PHACTR3: variants seen among roughly 807,000 people sequenced by gnomAD.
PHACTR3 encodes protein phosphatase 1, regulatory subunit 123.
PHACTR3 carries 16 observed loss-of-function variants against 66.8 expected under a neutral mutation model. That is an observed-to-expected ratio of 0.24 (90% CI 0.16 to 0.36). The LOEUF (loss-of-function observed/expected upper bound fraction) is 0.36, where lower values mean the gene tolerates loss of function less well. Ranked by LOEUF, PHACTR3 falls within the 10% of genes least tolerant of loss-of-function variation. The probability of loss-of-function intolerance (pLI) is 1.00; values close to 1 mark genes in which losing one functional copy is unlikely to be tolerated. For missense variants in PHACTR3, 647 were observed against 719.9 expected (o/e 0.90, Z 1.16); for synonymous variants, 323 against 292.1 (o/e 1.11, Z -1.08).
At chr20:59,757,751 A>G (rs779758272) in intron 4 of PHACTR3, among the ~76,000 whole-genome samples, 1 of 152,214 alleles carries the variant, frequency 6.6e-6, no homozygotes, top group African/African-American at 2.4e-5. Flanking sequence ...TAGGAGTTCA[A>G]AGTCATCCTG....
At chr20:59,613,841 A>AT (rs2033938320) in intron 1 of PHACTR3, among the ~76,000 whole-genome samples, 1 of 152,254 alleles carries the variant, frequency 6.6e-6, no homozygotes, top group Non-Finnish European at 1.5e-5. Context: ...CCTAAACATT[A>AT]TGTCCATTCA....
intron 11 of PHACTR3, 169 bp from the exon 12 acceptor site, chr20:59,845,020 T>C (rs1319599504): frequency 1.5e-5 from 8 of 519,744 alleles, no homozygotes; most frequent in Non-Finnish European, 2.5e-5. Flanking sequence ...GGTAGGACTA[T>C]AATAATGAGT....
At chr20:59,831,089 T>C (rs951480646) in intron 8 of PHACTR3, among the ~76,000 whole-genome samples, 1 of 151,980 alleles carries the variant, frequency 6.6e-6, no homozygotes, top group East Asian at 1.9e-4. Context: ...AGGTGTGTCG[T>C]AGGTGACTGC....
intron 7 of PHACTR3, 113 bp downstream of exon 7, chr20:59,774,603 C>T (rs918088044): frequency 2.1e-6 from 3 of 1,402,624 alleles, no homozygotes; most frequent in Admixed American, 2.3e-5. Context: ...GGGGCTGCAC[C>T]TGGGGAGAAA....
chr20:59,616,796 C>G (rs1340921456), intron 1 of PHACTR3, among the ~76,000 whole-genome samples: 1 of 152,118 alleles, frequency 6.6e-6, no homozygotes, highest in Non-Finnish European at 1.5e-5. Context: ...GTAGCTGGTT[C>G]TGCTTTGATG....
chr20:59,738,852 C>T lies in PHACTR3; in HGVS notation c.119-4255C>T, dbSNP rs2039045731. Among the ~76,000 whole-genome samples the T allele has an allele frequency of 6.6e-6, 1 of 152,182 alleles. No individual in the cohort carries two copies. Among genetic ancestry groups the T allele is most frequent in the African/African-American group, 2.4e-5 (1 of 41,438 alleles). On this transcript the variant is annotated intron_variant, in intron 1 of 12. Coordinates refer to ENST00000371015, the MANE Select transcript of PHACTR3 (RefSeq NM_080672.5). This position sits in a 1 kb window ranked among gnomAD's most constrained non-coding sequence, Gnocchi z 4.4. ...TCTGCTCATCCCTGGAGATCTTCGTCTTCATCTTCAGCTGAGCTTGGAGGC... is the reference window on the plus strand; with the variant it reads ...TCTGCTCATCCCTGGAGATCTTCGTTTTCATCTTCAGCTGAGCTTGGAGGC...
intron 1 of PHACTR3, among the ~76,000 whole-genome samples, chr20:59,648,569 G>A (rs990946967): frequency 1.3e-5 from 2 of 152,196 alleles, no homozygotes; most frequent in Admixed American, 1.3e-4. Context: ...GTTTATCCCA[G>A]AGGCCAGGGA....
rs545700136 is a variant in PHACTR3 at position 59,829,148 on chromosome 20, C to T, written c.1329-7357C>T. On this transcript the variant is annotated intron_variant, in intron 8 of 12. Coordinates refer to ENST00000371015, the MANE Select transcript of PHACTR3 (RefSeq NM_080672.5). This position sits in a 1 kb window ranked among gnomAD's most constrained non-coding sequence, Gnocchi z 4.2. ...GGTGGGGAACAGGGTGTGAAAAGGT[C>T]GGCTTTGGACTCAGAGTGCCTGGAG... 1.3e-5 allele frequency among the ~76,000 whole-genome samples: 2 copies of T among 152,184 alleles called. No individual in the cohort carries two copies. Among genetic ancestry groups the T allele is most frequent in the African/African-American group, 2.4e-5 (1 of 41,522 alleles).
chr20:59,733,457 G>A (rs935694130), intron 1 of PHACTR3, among the ~76,000 whole-genome samples: 4 of 152,170 alleles, frequency 2.6e-5, no homozygotes, highest in Admixed American at 1.3e-4. Context: ...TGGATTTTCA[G>A]TGCTCAGTGC....
chr20:59,767,102 A>T (rs1382867383), intron 4 of PHACTR3, 84 bp from the exon 5 acceptor site: 1 of 1,421,108 alleles, frequency 7.0e-7, no homozygotes, highest in East Asian at 2.4e-5. Flanking sequence ...ATCCCATCCC[A>T]CCAAACCCTC....
rs373167875 is a variant in PHACTR3, at chr20:59,847,224, C to T, written c.*94C>T. 3.4e-6 allele frequency: 3 copies of T among 892,908 alleles called. No individual in the cohort carries two copies. Among genetic ancestry groups the T allele is most frequent in the Admixed American group, 2.0e-5 (1 of 51,270 alleles). 55.3% of individuals were successfully genotyped at this position (892,908 alleles called of 1,614,324 possible). A position where few individuals can be genotyped will look rare whatever the true frequency, so the allele number is the denominator to read the frequency against. ...TTCCTGAAGTTCAGCTCAAGACTAC[C>T]CTACCTGCTGTGTTTGTGAGAAGAG... On this transcript the variant is annotated 3_prime_UTR_variant, in exon 13 of 13. Coordinates refer to ENST00000371015, the MANE Select transcript of PHACTR3 (RefSeq NM_080672.5).
chr20:59,604,747 A>G lies in PHACTR3; in HGVS notation c.-268A>G, dbSNP rs371223414. 569 of 1,120,036 alleles carry G rather than the reference A, an allele frequency of 5.1e-4. 5 individuals are homozygous for G. In the Middle Eastern group the frequency reaches 8.6e-3, roughly 17 times the overall value. The allele number at this position is 1,120,036 out of a possible 1,614,324, so 69.4% of individuals were successfully genotyped here. The stretch of plus-strand genomic sequence containing the variant: ...CTGGAATATAGACTGAAGAATGGGA[A>G]TAAACACGAATAAATAACAAAGCGA... On this transcript the variant is annotated 5_prime_UTR_variant, in exon 1 of 13. Coordinates refer to ENST00000371015, the MANE Select transcript of PHACTR3 (RefSeq NM_080672.5).
chr20:59,594,956 C>T (rs1008651935), intron 1 of PHACTR3, among the ~76,000 whole-genome samples: 6 of 152,156 alleles, frequency 3.9e-5, no homozygotes, highest in African/African-American at 1.4e-4. Flanking sequence ...ACATTGTTCT[C>T]ACAGCACCCA....
intron 1 of PHACTR3, among the ~76,000 whole-genome samples, chr20:59,696,629 G>A (rs1013418157): frequency 6.6e-6 from 1 of 152,188 alleles, no homozygotes; most frequent in Admixed American, 6.5e-5. Flanking sequence ...TTGCTGAGAA[G>A]GCCGGGGAGC....
At chr20:59,610,166 G>A (rs1490194685) in intron 1 of PHACTR3, among the ~76,000 whole-genome samples, 1 of 152,196 alleles carries the variant, frequency 6.6e-6, no homozygotes, top group African/African-American at 2.4e-5. Context: ...GAGCCGGGAG[G>A]ATCGCTTGAG....
intron 1 of PHACTR3, among the ~76,000 whole-genome samples, chr20:59,709,781 G>C (rs2037845871): frequency 6.6e-6 from 1 of 151,970 alleles, no homozygotes; most frequent in South Asian, 2.1e-4. Flanking sequence ...GGTGGTGTTG[G>C]GGGAGATGGT....
intron 7 of PHACTR3, among the ~76,000 whole-genome samples, chr20:59,789,247 GCA>G (rs1253148075): frequency 1.4e-4 from 22 of 152,194 alleles, no homozygotes; most frequent in African/African-American, 5.1e-4. Flanking sequence ...AGATGAGGAG[GCA>G]GAGACTGGAG....
At chr20:59,808,880 C>T (rs1335231256) in intron 8 of PHACTR3, among the ~76,000 whole-genome samples, 2 of 152,168 alleles carry the variant, frequency 1.3e-5, no homozygotes, top group East Asian at 3.9e-4. Flanking sequence ...GAGGGGCCGT[C>T]CCGTGTGTGT....
At chr20:59,828,606 C>T (rs930816480) in intron 8 of PHACTR3, among the ~76,000 whole-genome samples, 5 of 151,876 alleles carry the variant, frequency 3.3e-5, no homozygotes, top group Admixed American at 6.6e-5. Context: ...GCTGCGGACC[C>T]GTGTGAGGAG....
Sources: gnomAD v4.1 joint callset for allele counts (sites outside exome capture counted in the v4.1 genomes callset) on GRCh38, gnomAD v4.1.1 for gene constraint, Gnocchi (gnomAD v3.1) non-coding constraint, MANE v1.5 for transcripts, NCBI Gene and HGNC (gene_info 2026-07-23, HGNC 2026-07-21) for gene names.